Variants in POLR1A observed in about 807,000 individuals in gnomAD.
POLR1A encodes DNA-directed RNA polymerase I subunit RPA1.
A neutral mutation model predicts 205.3 loss-of-function variants in POLR1A; 84 were observed. The ratio of observed to expected loss-of-function variants is 0.41; its 90% confidence interval spans 0.34 to 0.49. POLR1A has a LOEUF of 0.49. Among genes scored for constraint, POLR1A ranks in the 20% least tolerant of loss-of-function variants. The pLI, the probability that POLR1A is intolerant of heterozygous loss-of-function variation, is 0.22. For synonymous variants in POLR1A, 799 were observed against 863.7 expected (o/e 0.93, Z 1.31); for missense variants, 1,645 against 2,204.5 (o/e 0.75, Z 5.08).
chr2:86,063,377 C>CCACA (rs1673034086), intron 14 of POLR1A, among the ~76,000 whole-genome samples: 1 of 142,138 alleles, frequency 7.0e-6, no homozygotes, highest in African/African-American at 2.5e-5. Context: ...GAAAACCTTG[C>CCACA]CACAAAGAAA....
Position 86,081,704 on chromosome 2 carries a change from A to T in POLR1A, c.820T>A (p.Phe274Ile). The change falls in exon 8 of 34, where the codon TTC becomes ATC. Residue 274 changes from phenylalanine to isoleucine, a missense_variant and splice_region_variant. Coordinates refer to ENST00000263857, the MANE Select transcript of POLR1A (RefSeq NM_015425.6). Reference protein sequence around the residue: ...HLSALWKNEGFFLNYLFSGMD... With the variant: ...HLSALWKNEGIFLNYLFSGMD... ...CCCGAAAAAAGGTAGTTCAGAAAGA[A>T]TCCTGCGTTGGAAAGAAATAAACCA... is the stretch of plus-strand genomic sequence containing the variant. 1 of 1,591,378 alleles carries T rather than the reference A, an allele frequency of 6.3e-7. No individual in the cohort carries two copies. Among genetic ancestry groups the T allele is most frequent in the Non-Finnish European group, 8.6e-7 (1 of 1,161,900 alleles).
At chr2:86,067,891 GA>G (rs1428766265) in intron 13 of POLR1A, among the ~76,000 whole-genome samples, 1 of 152,168 alleles carries the variant, frequency 6.6e-6, no homozygotes, top group Non-Finnish European at 1.5e-5. Flanking sequence ...GAAAGTGAAT[GA>G]AAGTACAGTG....
At chr2:86,082,841 GTTGTCA>G (rs1428693531) in intron 7 of POLR1A, among the ~76,000 whole-genome samples, 1 of 152,194 alleles carries the variant, frequency 6.6e-6, no homozygotes, top group African/African-American at 2.4e-5. Flanking sequence ...CCCACCTGCA[GTTGTCA>G]TTTCATAACC....
intron 8 of POLR1A, among the ~76,000 whole-genome samples, chr2:86,081,272 T>C (rs1673396562): frequency 6.6e-6 from 1 of 152,150 alleles, no homozygotes; most frequent in Non-Finnish European, 1.5e-5. Context: ...GGTGCGTGCC[T>C]GTAATCCCAG....
At chr2:86,073,505 C>A (rs1269079146) in intron 12 of POLR1A, among the ~76,000 whole-genome samples, 1 of 152,172 alleles carries the variant, frequency 6.6e-6, no homozygotes, top group Non-Finnish European at 1.5e-5. Context: ...CTGAGGCTGG[C>A]CCCAGCACCT....
intron 14 of POLR1A, among the ~76,000 whole-genome samples, chr2:86,062,805 A>T (rs991543410): frequency 1.3e-5 from 2 of 152,206 alleles, no homozygotes; most frequent in African/African-American, 4.8e-5. Flanking sequence ...ACTGATCAGG[A>T]AAAAAGAGAA....
rs1160811154 is a variant in POLR1A, at chr2:86,032,325, C to G, written c.4219G>C (p.Glu1407Gln). Residue 1407 changes from glutamate (E) to glutamine (Q), a missense_variant, in exon 29 of 34, where the codon GAG (glutamate) becomes CAG (glutamine). Physicochemically the swap from Glu to Gln is conservative, Grantham distance 29 (BLOSUM62 2). Coordinates refer to ENST00000263857, the MANE Select transcript of POLR1A (RefSeq NM_015425.6). ...EGHIVDAEAEEGDADASDAKR... is the reference protein window; with the variant it reads ...EGHIVDAEAEQGDADASDAKR... ...GCATCAGAGGCATCGGCGTCCCCCT[C>G]CTCAGCTTCAGCATCCACAATGTGC... The G allele has an allele frequency of 1.2e-6, 2 of 1,613,776 alleles. No individual in the cohort carries two copies. Among genetic ancestry groups the G allele is most frequent in the Non-Finnish European group, 1.7e-6 (2 of 1,179,774 alleles).
rs1350898718 is a variant in POLR1A, at chr2:86,081,058, T to A, written c.924-80A>T. 3.8e-6 allele frequency: 5 copies of A among 1,310,492 alleles called. No individual in the cohort carries two copies. The East Asian group carries it at 1.2e-4, about 31-fold the overall frequency. 81.2% of individuals were successfully genotyped at this position (1,310,492 alleles called of 1,614,324 possible). The stretch of plus-strand genomic sequence containing the variant: ...TCTTCAGCCTCTCACCCATGCCTAC[T>A]GTAGGGAGCACACCCCACCATGCTC... On this transcript the variant is annotated intron_variant, in intron 8 of 33. Transcript: ENST00000263857.
intron 30 of POLR1A, 148 bp downstream of exon 30, chr2:86,031,182 G>A (rs1271599800): frequency 8.3e-7 from 1 of 1,205,706 alleles, no homozygotes; most frequent in Non-Finnish European, 1.1e-6. Context: ...CCAAACAGGA[G>A]GCCTGGCTGT....
At chr2:86,093,653 C>T (rs1377346652) in intron 3 of POLR1A, among the ~76,000 whole-genome samples, 2 of 152,128 alleles carry the variant, frequency 1.3e-5, no homozygotes, top group Non-Finnish European at 2.9e-5. Context: ...AACAGCAAAA[C>T]CCCATCTTGA....
rs554478062 is a variant in POLR1A at position 86,021,287 on chromosome 2, CCTTCTGAGTAAGGAAGACCCCAG to C, written c.*6113_*6135del. On this transcript the variant is annotated 3_prime_UTR_variant, in exon 34 of 34. Coordinates refer to ENST00000263857, the MANE Select transcript of POLR1A (RefSeq NM_015425.6). ...GGCAGCATCTGGCAGGGCCTCCAGG[CCTTCTGAGTAAGGAAGACCCCAG>C]CTTGCAAAAGACATAGAGGCAGCAC... The C allele has an allele frequency of 9.4e-4, 143 of 152,484 alleles. No homozygotes were observed. The highest frequency in any genetic ancestry group is 3.3e-3 in the African/African-American group (136 of 41,582). 9.4% of individuals were successfully genotyped at this position (152,484 alleles called of 1,614,324 possible).
chr2:86,042,240 A>T (rs1203161890), intron 23 of POLR1A, 137 bp from the exon 24 acceptor site: 5 of 671,248 alleles, frequency 7.4e-6, no homozygotes, highest in Non-Finnish European at 1.0e-5. Context: ...CTCCCCATTT[A>T]AAATGGGGAG....
intron 27 of POLR1A, among the ~76,000 whole-genome samples, chr2:86,036,177 T>G (rs1440909010): frequency 1.3e-5 from 2 of 152,172 alleles, no homozygotes; most frequent in Non-Finnish European, 2.9e-5. Context: ...CCACCTGCTG[T>G]TTGGAAAGTC....
intron 15 of POLR1A, among the ~76,000 whole-genome samples, chr2:86,053,519 C>G (rs1306372329): frequency 6.6e-6 from 1 of 152,188 alleles, no homozygotes; most frequent in Non-Finnish European, 1.5e-5. Context: ...TGTACTTTCT[C>G]AAAGCTGGGT....
At chr2:86,083,368 A>G (rs1673439809) in intron 6 of POLR1A, among the ~76,000 whole-genome samples, 200 bp from the exon 7 acceptor site, 1 of 150,758 alleles carries the variant, frequency 6.6e-6, no homozygotes, top group Non-Finnish European at 1.5e-5. Context: ...GCTATTGTAT[A>G]AAACCTAAAA....
At position 86,100,121 on chromosome 2, in the gene POLR1A, C is replaced by T. The variant is rs760800438; in HGVS notation, c.129G>A (p.Gly43=). Reference sequence around the variant, plus strand: ...CGTACAGGCCGTTTGCCGATGGGTTCCCCAGGCTGTCCAGGTATCGAGGGT... The same window carrying T: ...CGTACAGGCCGTTTGCCGATGGGTTTCCCAGGCTGTCCAGGTATCGAGGGT... ...ITNPRYLDSL[G]NPSANGLYDL... Residue 43 remains glycine (G), a synonymous_variant, in exon 2 of 34, where the codon GGG becomes GGA. Coordinates refer to ENST00000263857, the MANE Select transcript of POLR1A (RefSeq NM_015425.6). 1 of 1,614,100 alleles carries T rather than the reference C, an allele frequency of 6.2e-7. No homozygotes were observed. Among genetic ancestry groups the T allele is most frequent in the Non-Finnish European group, 8.5e-7 (1 of 1,179,978 alleles).
At chr2:86,068,841 C>T (rs112021535) in intron 13 of POLR1A, among the ~76,000 whole-genome samples, 8 of 152,286 alleles carry the variant, frequency 5.3e-5, no homozygotes, top group African/African-American at 1.9e-4. Flanking sequence ...TGGCCACCTG[C>T]CTGATTCCTT....
intron 23 of POLR1A, 27 bp downstream of exon 23, chr2:86,042,947 A>G: frequency 1.3e-6 from 2 of 1,550,046 alleles, no homozygotes; most frequent in Non-Finnish European, 1.8e-6. Context: ...CGTGCTGGAC[A>G]TTAAGGACAC....
At chr2:86,034,045 C>T (rs1379879331) in intron 27 of POLR1A, among the ~76,000 whole-genome samples, 4 of 152,222 alleles carry the variant, frequency 2.6e-5, no homozygotes, top group African/African-American at 9.7e-5. Context: ...GTAGGACAGG[C>T]AGCTTCCTCA....
Sources: allele counts gnomAD v4.1 joint callset (sites outside exome capture counted in the v4.1 genomes callset), GRCh38; gene constraint gnomAD v4.1.1; transcripts MANE v1.5; gene names NCBI Gene and HGNC (gene_info 2026-07-23, HGNC 2026-07-21).